The following STARD13 variants were observed in gnomAD, a reference collection of about 807,000 sequenced individuals.
The protein encoded by STARD13 is stAR-related lipid transfer protein 13.
A neutral mutation model predicts 106.4 loss-of-function variants in STARD13; 62 were observed. That is an observed-to-expected ratio of 0.58 (90% CI 0.48 to 0.72). STARD13 has a LOEUF of 0.72. Among genes scored for constraint, STARD13 ranks in the 30% least tolerant of loss-of-function variants. The pLI, the probability that STARD13 is intolerant of heterozygous loss-of-function variation, is 0.00. For missense variants in STARD13, 1,387 were observed against 1,424.0 expected, an observed-to-expected ratio of 0.97 and a Z score of 0.42; for synonymous variants, 565 against 553.0, an observed-to-expected ratio of 1.02 and a Z score of -0.31.
chr13:33,655,221 C>T, the STARD13 span, among the ~76,000 whole-genome samples: 16 of 152,258 alleles, frequency 1.1e-4, no homozygotes, highest in African/African-American at 3.9e-4. Flanking sequence ...TGGGCATAAA[C>T]AACAATAATA....
intron 1 of STARD13, among the ~76,000 whole-genome samples, chr13:33,263,524 T>C (rs1034586147): frequency 3.9e-5 from 6 of 152,198 alleles, no homozygotes; most frequent in Non-Finnish European, 8.8e-5. Flanking sequence ...CTGGATTTTG[T>C]TTTAATCTTG....
chr13:33,617,708 T>C, the STARD13 span, among the ~76,000 whole-genome samples: 1 of 152,204 alleles, frequency 6.6e-6, no homozygotes, highest in Non-Finnish European at 1.5e-5. Context: ...CTTAGAATTC[T>C]GCCTATGACC....
At chr13:33,599,866 A>G in the STARD13 span, among the ~76,000 whole-genome samples, 1 of 152,254 alleles carries the variant, frequency 6.6e-6, no homozygotes, top group Non-Finnish European at 1.5e-5. Context: ...ATGATGGATT[A>G]CAACCATTAG....
chr13:33,416,815 A>C, the STARD13 span, among the ~76,000 whole-genome samples: 3 of 152,232 alleles, frequency 2.0e-5, no homozygotes, highest in Non-Finnish European at 4.4e-5. Context: ...TGATCTAAAA[A>C]ATATAAGCAA....
the STARD13 span, among the ~76,000 whole-genome samples, chr13:33,671,564 T>TAC: frequency 3.4e-5 from 5 of 147,312 alleles, no homozygotes; most frequent in Admixed American, 6.7e-5. Flanking sequence ...GCCTCCTGTC[T>TAC]ACAAAAAATA....
chr13:33,662,179 G>A, the STARD13 span, among the ~76,000 whole-genome samples: 4 of 151,458 alleles, frequency 2.6e-5, no homozygotes, highest in East Asian at 3.9e-4. Flanking sequence ...GGAGAATGGC[G>A]TGAACCCCGG....
chr13:33,420,441 T>G, the STARD13 span, among the ~76,000 whole-genome samples: 1 of 152,176 alleles, frequency 6.6e-6, no homozygotes, highest in Non-Finnish European at 1.5e-5. Context: ...CAGGAGCACC[T>G]GGATTTATAA....
At chr13:33,385,403 A>G in the STARD13 span, among the ~76,000 whole-genome samples, 1 of 148,102 alleles carries the variant, frequency 6.8e-6, no homozygotes, top group Non-Finnish European at 1.5e-5. Context: ...AATTGATCAG[A>G]AAAATAGGAA....
At chr13:33,399,673 C>T in the STARD13 span, among the ~76,000 whole-genome samples, 2 of 131,040 alleles carry the variant, frequency 1.5e-5, no homozygotes, top group Non-Finnish European at 3.1e-5. Flanking sequence ...TGCACTCCAG[C>T]CTGGGAGACA....
rs1873784565 is a variant in STARD13 at position 33,106,827 on chromosome 13, G to A, written c.3155C>T (p.Ser1052Leu). The change falls in exon 13 of 14, where the codon TCG becomes TTG. Residue 1052 changes from serine (S) to leucine (L), a missense_variant. By Grantham distance (145) the Ser-to-Leu change is moderately radical. Coordinates refer to ENST00000336934, the MANE Select transcript of STARD13 (RefSeq NM_178006.4). ...LGGVRAVVMD[S>L]QYLIEPCGSG... Reference sequence around the variant, plus strand: ...GCCACACGGTTCTATCAAGTACTGCGAGTCCATCACCACTGCTCGCACACC... The same window carrying A: ...GCCACACGGTTCTATCAAGTACTGCAAGTCCATCACCACTGCTCGCACACC... 1.9e-6 allele frequency: 3 copies of A among 1,614,128 alleles called. No homozygotes were observed. Among genetic ancestry groups the A allele is most frequent in the Non-Finnish European group, 2.5e-6 (3 of 1,180,012 alleles).
intron 3 of STARD13, among the ~76,000 whole-genome samples, chr13:33,153,573 A>C (rs999186478): frequency 1.3e-5 from 2 of 152,200 alleles, no homozygotes; most frequent in African/African-American, 2.4e-5. Context: ...ACTCAAGCTG[A>C]AACAGAAGCC....
chr13:33,463,050 T>C, the STARD13 span, among the ~76,000 whole-genome samples: 4 of 152,344 alleles, frequency 2.6e-5, no homozygotes, highest in East Asian at 7.7e-4. Flanking sequence ...AATACATATT[T>C]GGTGTCTAAC....
At chr13:33,532,079 G>C in the STARD13 span, among the ~76,000 whole-genome samples, 1 of 152,028 alleles carries the variant, frequency 6.6e-6, no homozygotes. Flanking sequence ...CTCTATTGCA[G>C]CTCAGCACAG....
At chr13:33,526,493 C>T in the STARD13 span, among the ~76,000 whole-genome samples, 51 of 152,150 alleles carry the variant, frequency 3.4e-4, no homozygotes, top group African/African-American at 1.1e-3. Flanking sequence ...GCTTTCTCTG[C>T]GTGCTTCTTC....
chr13:33,603,025 A>T, the STARD13 span, among the ~76,000 whole-genome samples: 829 of 152,274 alleles, frequency 5.4e-3, 4 homozygotes, highest in African/African-American at 0.019. Context: ...TGAAACTTAT[A>T]TTTGTTTTAA....
At chr13:33,452,175 C>T in the STARD13 span, among the ~76,000 whole-genome samples, 2 of 151,932 alleles carry the variant, frequency 1.3e-5, no homozygotes, top group Non-Finnish European at 2.9e-5. Context: ...TGGAATGGAC[C>T]CAGGGGCACG....
At chr13:33,163,643 TATATATATATAA>T (rs1566038615) in intron 3 of STARD13, among the ~76,000 whole-genome samples, 3 of 39,126 alleles carry the variant, frequency 7.7e-5, no homozygotes, top group Non-Finnish European at 1.6e-4. Context: ...ATATATAACA[TATATATATATAA>T]AACATATATA....
At chr13:33,513,645 ATTATACT>A in the STARD13 span, among the ~76,000 whole-genome samples, 1 of 152,200 alleles carries the variant, frequency 6.6e-6, no homozygotes, top group East Asian at 1.9e-4. Context: ...ACATAAAACT[ATTATACT>A]TGCACTCATG....
At chr13:33,177,435 G>A (rs545771799) in intron 1 of STARD13, among the ~76,000 whole-genome samples, 1 of 152,090 alleles carries the variant, frequency 6.6e-6, no homozygotes, top group African/African-American at 2.4e-5. Flanking sequence ...CATGACTAAA[G>A]TACCAGCAAA....
Sources: allele counts gnomAD v4.1 joint callset (sites outside exome capture counted in the v4.1 genomes callset), GRCh38; gene constraint gnomAD v4.1.1; transcripts MANE v1.5; gene names NCBI Gene and HGNC (gene_info 2026-07-23, HGNC 2026-07-21).